ZSCAN16: variants seen among roughly 807,000 people sequenced by gnomAD.
The protein encoded by ZSCAN16 is zinc finger and SCAN domain-containing protein 16.
In ZSCAN16, 15 loss-of-function variants were observed where a neutral mutation model predicts 19.4. The observed-to-expected ratio is 0.77, with a 90% CI of 0.52 to 1.19. The LOEUF is 1.19. Among genes scored for constraint, ZSCAN16 ranks in the 50% most tolerant of loss-of-function variants. The pLI, the probability that ZSCAN16 is intolerant of heterozygous loss-of-function variation, is 0.00. For missense variants in ZSCAN16, 327 were observed against 415.7 expected (o/e 0.79, Z 1.86); for synonymous variants, 138 against 146.5 (o/e 0.94, Z 0.42).
At position 28,125,281 on chromosome 6, in the gene ZSCAN16, G is replaced by C; in HGVS notation, c.-31-132G>C. 2 of 1,005,640 alleles carry C rather than the reference G, an allele frequency of 2.0e-6. No individual in the cohort carries two copies. The allele number at this position is 1,005,640 out of a possible 1,614,324, so 62.3% of individuals were successfully genotyped here. A position where few individuals can be genotyped will look rare whatever the true frequency, so the allele number is the denominator to read the frequency against. On this transcript the variant is annotated intron_variant, in intron 1 of 3. Coordinates refer to ENST00000340487, the MANE Select transcript of ZSCAN16 (RefSeq NM_025231.3). The surrounding 1 kb of genome is among the most constrained non-coding windows in gnomAD (Gnocchi z 6.2). The stretch of plus-strand genomic sequence containing the variant: ...AGACTGTTTTCTCTGATTGACTTCT[G>C]GTGGCTTGGCTTCATTATGATGTGT...
rs1372074994 is a variant in ZSCAN16 at position 28,125,532 on chromosome 6, A to C, written c.89A>C (p.Gln30Pro). ...DHYWGQDSSS[Q>P]KCSPHRRELY... ...TACTGGGGACAGGATTCCAGCTCAC[A>C]AAAGTGCAGTCCTCACAGGAGGGAA... is the stretch of plus-strand genomic sequence containing the variant. Residue 30 changes from glutamine to proline, a missense_variant, in exon 2 of 4, where the codon CAA (glutamine) becomes CCA (proline). Gln to Pro is a moderately conservative substitution (Grantham distance 76, BLOSUM62 -1). Transcript: ENST00000340487. The surrounding 1 kb of genome is among the most constrained non-coding windows in gnomAD (Gnocchi z 6.2). 1 of 1,614,090 alleles carries C rather than the reference A, an allele frequency of 6.2e-7. No individual in the cohort carries two copies. Among genetic ancestry groups the C allele is most frequent in the Non-Finnish European group, 8.5e-7 (1 of 1,180,036 alleles).
At position 28,130,030 on chromosome 6, in the gene ZSCAN16, T is replaced by A; in HGVS notation, c.*80T>A. The A allele has an allele frequency of 8.5e-7, 1 of 1,182,234 alleles. No homozygotes were observed. The highest frequency in any genetic ancestry group is 1.2e-6 in the Non-Finnish European group (1 of 850,746). The allele number at this position is 1,182,234 out of a possible 1,614,324, so 73.2% of individuals were successfully genotyped here. A position where few individuals can be genotyped will look rare whatever the true frequency, so the allele number is the denominator to read the frequency against. ...GAATCTATTTTAGAAACCTTGAGTTTCCTCAATGTGGTCAAAGCTTCAGTC... is the reference window on the plus strand; with the variant it reads ...GAATCTATTTTAGAAACCTTGAGTTACCTCAATGTGGTCAAAGCTTCAGTC... On this transcript the variant is annotated 3_prime_UTR_variant, in exon 4 of 4. Coordinates refer to ENST00000340487, the MANE Select transcript of ZSCAN16 (RefSeq NM_025231.3).
rs762668820 is a variant in ZSCAN16 at position 28,129,680 on chromosome 6, G to A, written c.777G>A (p.Thr259=). ...TTAGTAAACACAGGAGAACTCACAC[G>A]GGAGAGAAGCCCTATAAATGTGATG... The part of the protein sequence containing the change: ...SDLSKHRRTH[T]GEKPYKCDEC... The change falls in exon 4 of 4, where the codon ACG becomes ACA. Residue 259 remains threonine (T), a synonymous_variant. Coordinates refer to ENST00000340487, the MANE Select transcript of ZSCAN16 (RefSeq NM_025231.3). The A allele has an allele frequency of 7.4e-6, 12 of 1,614,018 alleles. No homozygotes were observed. Among genetic ancestry groups the A allele is most frequent in the East Asian group, 2.2e-5 (1 of 44,900 alleles).
At chr6:28,126,740 TA>T in intron 2 of ZSCAN16, 42 bp from the exon 3 acceptor site, 1 of 1,393,876 alleles carries the variant, frequency 7.2e-7, no homozygotes, top group South Asian at 1.8e-5. Context: ...TGAAGTTACT[TA>T]AGTTTCCATA....
chr6:28,125,621 AC>A lies in ZSCAN16; in HGVS notation c.181del (p.Gln61SerfsTer10). The A allele has an allele frequency of 6.2e-7, 1 of 1,614,218 alleles. No individual in the cohort carries two copies. Among genetic ancestry groups the A allele is most frequent in the Non-Finnish European group, 8.5e-7 (1 of 1,180,034 alleles). ...QDAPGPREAL[T>X]QLWELCRQWL... The stretch of plus-strand genomic sequence containing the variant: ...TGCACCTGGACCCCGTGAAGCTCTT[AC>A]CCAGCTGTGGGAGCTCTGCCGTCAG... On this transcript the variant is annotated frameshift_variant, in exon 2 of 4. Coordinates refer to ENST00000340487, the MANE Select transcript of ZSCAN16 (RefSeq NM_025231.3). LOFTEE classifies it high-confidence loss of function. The surrounding 1 kb of genome is among the most constrained non-coding windows in gnomAD (Gnocchi z 6.2).
Position 28,130,080 on chromosome 6 carries a change from G to C in ZSCAN16, c.*130G>C, listed in dbSNP as rs1765020233. ...CATCATTAAACTTCTCTGGACCAAA[G>C]AATCTACCTGAGTAAAATATCCTTT... On this transcript the variant is annotated 3_prime_UTR_variant, in exon 4 of 4. Coordinates refer to ENST00000340487, the MANE Select transcript of ZSCAN16 (RefSeq NM_025231.3). The C allele has an allele frequency of 1.3e-5, 8 of 636,372 alleles. No homozygotes were observed. Among genetic ancestry groups the C allele is most frequent in the Middle Eastern group, 8.7e-4 (2 of 2,298 alleles). 39.4% of individuals were successfully genotyped at this position (636,372 alleles called of 1,614,324 possible).
In ZSCAN16 at chr6:28,125,831, G is replaced by T. The variant is rs779575300; in HGVS notation, c.387+1G>T. The T allele has an allele frequency of 1.9e-6, 3 of 1,592,422 alleles. No homozygotes were observed. Among genetic ancestry groups the T allele is most frequent in the Non-Finnish European group, 1.7e-6 (2 of 1,168,676 alleles). On this transcript the variant is annotated splice_donor_variant, in intron 2 of 3. Coordinates refer to ENST00000340487, the MANE Select transcript of ZSCAN16 (RefSeq NM_025231.3). LOFTEE classifies it high-confidence loss of function. This position sits in a 1 kb window ranked among gnomAD's most constrained non-coding sequence, Gnocchi z 6.2. ...AGAGCTTGATGAACCTGGAAAGCAG[G>T]TGTGAAGGGGCAGTCATCTGGCTGT...
intron 3 of ZSCAN16, 109 bp downstream of exon 3, chr6:28,127,030 A>T (rs1764926880): frequency 2.0e-6 from 2 of 1,019,130 alleles, no homozygotes; most frequent in Admixed American, 3.7e-5. Flanking sequence ...CTTGTCCTCC[A>T]CCTCACTATG....
In ZSCAN16 at chr6:28,125,799, T is replaced by C. The variant is rs754336093; in HGVS notation, c.356T>C (p.Leu119Pro). Residue 119 changes from leucine (L) to proline (P), a missense_variant, in exon 2 of 4, where the codon CTG becomes CCG. Transcript: ENST00000340487. The surrounding 1 kb of genome is among the most constrained non-coding windows in gnomAD (Gnocchi z 6.2). The part of the protein sequence containing the change: ...GEEAVTVLED[L>P]ERELDEPGKQ... ...GAGGCAGTGACGGTACTGGAGGATCTGGAGAGAGAGCTTGATGAACCTGGA... is the reference window on the plus strand; with the variant it reads ...GAGGCAGTGACGGTACTGGAGGATCCGGAGAGAGAGCTTGATGAACCTGGA... 2.2e-5 allele frequency: 35 copies of C among 1,611,310 alleles called. No homozygotes were observed. Among genetic ancestry groups the C allele is most frequent in the Non-Finnish European group, 2.8e-5 (33 of 1,178,628 alleles).
intron 3 of ZSCAN16, among the ~76,000 whole-genome samples, chr6:28,128,878 T>C (rs868428061): frequency 2.6e-5 from 4 of 152,236 alleles, no homozygotes; most frequent in Admixed American, 2.6e-4. Flanking sequence ...CATGTTGTCA[T>C]GCTTCCTGCT....
rs114858343 is a variant in ZSCAN16, at chr6:28,127,563, G to T, written c.526+642G>T. On this transcript the variant is annotated intron_variant, in intron 3 of 3. Coordinates refer to ENST00000340487, the MANE Select transcript of ZSCAN16 (RefSeq NM_025231.3). Reference sequence around the variant, plus strand: ...TCATATACAGTAATGTTTGAAAGGGGTTAGGGCTTCAATGTATGAATTTGT... The same window carrying T: ...TCATATACAGTAATGTTTGAAAGGGTTTAGGGCTTCAATGTATGAATTTGT... Among the ~76,000 whole-genome samples, 1,073 of 152,312 alleles carry T rather than the reference G, an allele frequency of 7.0e-3. 9 individuals are homozygous for T. Among genetic ancestry groups the T allele is most frequent in the African/African-American group, 0.022 (896 of 41,566 alleles).
In ZSCAN16 at chr6:28,125,693, C is replaced by T. The variant is rs1376043483; in HGVS notation, c.250C>T (p.Leu84=). ...CHTKEQILDL[L]VLEQFLSILP... is the part of the protein sequence containing the mutation. ...CACCAAGGAGCAGATTTTAGACCTGCTGGTGCTAGAACAGTTCCTGAGCAT... is the reference window on the plus strand; with the variant it reads ...CACCAAGGAGCAGATTTTAGACCTGTTGGTGCTAGAACAGTTCCTGAGCAT... Residue 84 remains leucine, a synonymous_variant, in exon 2 of 4, where the codon CTG becomes TTG. Transcript: ENST00000340487. The surrounding 1 kb of genome is among the most constrained non-coding windows in gnomAD (Gnocchi z 6.2). 3 of 1,614,114 alleles carry T rather than the reference C, an allele frequency of 1.9e-6. No homozygotes were observed. Among genetic ancestry groups the T allele is most frequent in the Non-Finnish European group, 2.5e-6 (3 of 1,180,054 alleles).
Position 28,125,563 on chromosome 6 carries a change from T to C in ZSCAN16, c.120T>C (p.Tyr40=), listed in dbSNP as rs1418492743. 4.3e-6 allele frequency: 7 copies of C among 1,614,068 alleles called. No individual in the cohort carries two copies. The highest frequency in any genetic ancestry group is 4.5e-5 in the East Asian group (2 of 44,904). Residue 40 remains tyrosine, a synonymous_variant, in exon 2 of 4, where the codon TAT becomes TAC. Coordinates refer to ENST00000340487, the MANE Select transcript of ZSCAN16 (RefSeq NM_025231.3). This position sits in a 1 kb window ranked among gnomAD's most constrained non-coding sequence, Gnocchi z 6.2. ...GCAGTCCTCACAGGAGGGAACTCTA[T>C]AGACAACACTTCAGGAAGCTCTGCT... ...QKCSPHRREL[Y]RQHFRKLCYQ... is the part of the protein sequence containing the mutation.
Position 28,129,944 on chromosome 6 carries a change from CT to C in ZSCAN16, c.1042del (p.Tyr348ThrfsTer17). Reference protein sequence around the residue: ...HQRIHTANKLY With the variant: ...HQRIHTANKLX Reference sequence around the variant, plus strand: ...AAAGAATTCATACCGCAAATAAACTCTACTAATATAGCAGTAATATCAAAAG... The same window carrying C: ...AAAGAATTCATACCGCAAATAAACTCACTAATATAGCAGTAATATCAAAAG... On this transcript the variant is annotated frameshift_variant, in exon 4 of 4. Transcript: ENST00000340487. LOFTEE classifies it high-confidence loss of function. 1.3e-6 allele frequency: 2 copies of C among 1,574,904 alleles called. No individual in the cohort carries two copies. Among genetic ancestry groups the C allele is most frequent in the Non-Finnish European group, 1.7e-6 (2 of 1,162,050 alleles).
chr6:28,126,664 C>A, intron 2 of ZSCAN16, 119 bp from the exon 3 acceptor site: 1 of 734,060 alleles, frequency 1.4e-6, no homozygotes. Context: ...TTGCCATTTA[C>A]AATGAAATGA....
chr6:28,129,748 A>T lies in ZSCAN16; in HGVS notation c.845A>T (p.His282Leu). 6.2e-7 allele frequency: 1 copy of T among 1,614,166 alleles called. No individual in the cohort carries two copies. The highest frequency in any genetic ancestry group is 8.5e-7 in the Non-Finnish European group (1 of 1,180,008). Residue 282 changes from histidine to leucine, a missense_variant, in exon 4 of 4, where the codon CAT (histidine) becomes CTT (leucine). Transcript: ENST00000340487. The part of the protein sequence containing the change: ...AFIQRSHLIG[H>L]HRVHTGVKPY... ...ATTCAGCGCTCACATCTCATTGGAC[A>T]TCATAGAGTACACACGGGAGTAAAA...
Position 28,126,887 on chromosome 6 carries a change from G to A in ZSCAN16, c.492G>A (p.Gln164=). Residue 164 remains glutamine (Q), a synonymous_variant, in exon 3 of 4, where the codon CAG becomes CAA. Coordinates refer to ENST00000340487, the MANE Select transcript of ZSCAN16 (RefSeq NM_025231.3). ...LTVQLHPKKT[Q]LEQEAGKPQR... is the part of the protein sequence containing the mutation. ...TCCAGCTCCATCCCAAAAAGACCCAGCTGGAGCAGGAAGCTGGGAAACCAC... is the reference window on the plus strand; with the variant it reads ...TCCAGCTCCATCCCAAAAAGACCCAACTGGAGCAGGAAGCTGGGAAACCAC... The A allele has an allele frequency of 2.5e-6, 4 of 1,582,522 alleles. No homozygotes were observed. Among genetic ancestry groups the A allele is most frequent in the African/African-American group, 1.3e-5 (1 of 74,328 alleles).
In ZSCAN16 at chr6:28,125,976, A is replaced by G. The variant is rs1267720007; in HGVS notation, c.387+146A>G. On this transcript the variant is annotated intron_variant, in intron 2 of 3. Transcript: ENST00000340487. The surrounding 1 kb of genome is among the most constrained non-coding windows in gnomAD (Gnocchi z 6.2). ...ACCTGACTACCTATGTCAAATAATT[A>G]AAGTGTGGCTGGGTAAAGAGAGGAG... 3.1e-6 allele frequency: 2 copies of G among 654,086 alleles called. No homozygotes were observed. The highest frequency in any genetic ancestry group is 5.1e-6 in the Non-Finnish European group (2 of 390,306). The allele number at this position is 654,086 out of a possible 1,614,324, so 40.5% of individuals were successfully genotyped here.
In ZSCAN16 at chr6:28,126,807, G is replaced by T; in HGVS notation, c.412G>T (p.Asp138Tyr). Residue 138 changes from aspartate (D) to tyrosine (Y), a missense_variant, in exon 3 of 4, where the codon GAC (aspartate) becomes TAC (tyrosine). Coordinates refer to ENST00000340487, the MANE Select transcript of ZSCAN16 (RefSeq NM_025231.3). The stretch of plus-strand genomic sequence containing the variant: ...GGTCCCAGGCAATTCAGAAAGACGG[G>T]ACATACTCATGGACAAGTTGGCCCC... ...KQVPGNSERR[D>Y]ILMDKLAPLG... 6.5e-7 allele frequency: 1 copy of T among 1,548,604 alleles called. No individual in the cohort carries two copies. Among genetic ancestry groups the T allele is most frequent in the Non-Finnish European group, 8.8e-7 (1 of 1,138,498 alleles).
Sources: allele counts gnomAD v4.1 joint callset (sites outside exome capture counted in the v4.1 genomes callset), GRCh38; gene constraint gnomAD v4.1.1; non-coding constraint Gnocchi (gnomAD v3.1); transcripts MANE v1.5; gene names NCBI Gene and HGNC (gene_info 2026-07-23, HGNC 2026-07-21).